The following DYNC1H1 variants were observed in gnomAD, a reference collection of about 807,000 sequenced individuals.
The protein encoded by DYNC1H1 is cytoplasmic dynein 1 heavy chain 1.
In DYNC1H1, 51 loss-of-function variants were observed where a neutral mutation model predicts 527.1. That is an observed-to-expected ratio of 0.10 (90% CI 0.08 to 0.12). The LOEUF is 0.12. DYNC1H1 is among the 10% of genes least tolerant of loss of function. The pLI, the probability that DYNC1H1 is intolerant of heterozygous loss-of-function variation, is 1.00. For missense variants in DYNC1H1, 2,771 were observed against 5,971.8 expected (o/e 0.46, Z 17.66); for synonymous variants, 2,189 against 2,278.8 (o/e 0.96, Z 1.12).
Position 102,039,817 on chromosome 14 carries a change from T to C in DYNC1H1, c.11690+85T>C, listed in dbSNP as rs2048623394. The C allele has an allele frequency of 1.4e-6, 2 of 1,412,572 alleles. No individual in the cohort carries two copies. Among genetic ancestry groups the C allele is most frequent in the Non-Finnish European group, 2.0e-6 (2 of 1,020,180 alleles). 87.5% of individuals were successfully genotyped at this position (1,412,572 alleles called of 1,614,324 possible). A position where few individuals can be genotyped will look rare whatever the true frequency, so the allele number is the denominator to read the frequency against. Reference sequence around the variant, plus strand: ...TGATCAGATACATGCTTTTATTATTTCTTTTATTTTCTCTTTTATTTTCTT... The same window carrying C: ...TGATCAGATACATGCTTTTATTATTCCTTTTATTTTCTCTTTTATTTTCTT... On this transcript the variant is annotated intron_variant, in intron 62 of 77. Transcript: ENST00000360184. The surrounding 1 kb of genome is among the most constrained non-coding windows in gnomAD (Gnocchi z 7.0).
In DYNC1H1 at chr14:102,001,111, C is replaced by T. The variant is rs781293795; in HGVS notation, c.4186-34C>T. On this transcript the variant is annotated intron_variant, in intron 19 of 77. Transcript: ENST00000360184. This position sits in a 1 kb window ranked among gnomAD's most constrained non-coding sequence, Gnocchi z 5.0. ...GTGATGAGTGTCCATTAGAAACGCA[C>T]CTGCACAGATCACTTTGTTTACTTT... The T allele has an allele frequency of 6.2e-7, 1 of 1,614,092 alleles. No individual in the cohort carries two copies. Among genetic ancestry groups the T allele is most frequent in the Admixed American group, 1.7e-5 (1 of 60,014 alleles).
chr14:102,031,972 T>A (rs978698986), intron 51 of DYNC1H1, among the ~76,000 whole-genome samples: 10 of 152,182 alleles, frequency 6.6e-5, no homozygotes, highest in Non-Finnish European at 1.3e-4. Flanking sequence ...AGTAAATATA[T>A]TCTTAATCTT....
chr14:101,971,137 G>T (rs150293873), intron 1 of DYNC1H1, among the ~76,000 whole-genome samples: 3 of 117,416 alleles, frequency 2.6e-5, no homozygotes, highest in Non-Finnish European at 4.9e-5. Flanking sequence ...TTGCTCTGTC[G>T]CCCAGGCTGG....
In DYNC1H1 at chr14:101,968,439, G is replaced by A. The variant is rs1049726299; in HGVS notation, c.256+3492G>A. On this transcript the variant is annotated intron_variant, in intron 1 of 77. Transcript: ENST00000360184. The stretch of plus-strand genomic sequence containing the variant: ...AATAGAGAGGAGGTCTCACCATGTT[G>A]CCCAGGCTGGTCTGGGACTTCAGGG... 5.3e-5 allele frequency among the ~76,000 whole-genome samples: 8 copies of A among 152,160 alleles called. No homozygotes were observed. The East Asian group carries it at 1.4e-3, about 26-fold the overall frequency.
At position 101,979,932 on chromosome 14, in the gene DYNC1H1, G is replaced by A. The variant is rs2047843926; in HGVS notation, c.732G>A (p.Gln244=). ...TTGAAGACCCAACATTTCTTAATCA[G>A]TTACAATCTGGAGTTAACCGCTGGA... ...DKVEDPTFLN[Q]LQSGVNRWIR... Residue 244 remains glutamine (Q), a synonymous_variant, in exon 4 of 78, where the codon CAG becomes CAA. Coordinates refer to ENST00000360184, the MANE Select transcript of DYNC1H1 (RefSeq NM_001376.5). The surrounding 1 kb of genome is among the most constrained non-coding windows in gnomAD (Gnocchi z 4.6). The A allele has an allele frequency of 1.2e-6, 2 of 1,614,104 alleles. No individual in the cohort carries two copies. The highest frequency in any genetic ancestry group is 1.6e-4 in the Middle Eastern group (1 of 6,084).
intron 52 of DYNC1H1, 52 bp downstream of exon 52, chr14:102,032,519 AG>A (rs1336613840): frequency 6.2e-7 from 1 of 1,611,248 alleles, no homozygotes; most frequent in Non-Finnish European, 8.5e-7. Context: ...TCAGTTGTTC[AG>A]GCCAGGCACG....
Position 102,017,058 on chromosome 14 carries a change from A to G in DYNC1H1, c.7849-30A>G, listed in dbSNP as rs2048331785. On this transcript the variant is annotated intron_variant, in intron 38 of 77. Coordinates refer to ENST00000360184, the MANE Select transcript of DYNC1H1 (RefSeq NM_001376.5). The surrounding 1 kb of genome is among the most constrained non-coding windows in gnomAD (Gnocchi z 4.6). ...TGGTGCTGAGCATGGGGTTGGTCTT[A>G]CAGTGTGGTTTTGTGTCTTCCCTCC... 1.2e-6 allele frequency: 2 copies of G among 1,614,128 alleles called. No homozygotes were observed. The highest frequency in any genetic ancestry group is 1.7e-6 in the Non-Finnish European group (2 of 1,180,052).
chr14:102,026,723 G>A lies in DYNC1H1; in HGVS notation c.8771+16G>A, dbSNP rs2048455445. On this transcript the variant is annotated intron_variant, in intron 44 of 77. Transcript: ENST00000360184. ...GGATTGACAGGTGGGCTTTTTTGTTGTTACAGCCCCACCTCTCGCCTAAGC... is the reference window on the plus strand; with the variant it reads ...GGATTGACAGGTGGGCTTTTTTGTTATTACAGCCCCACCTCTCGCCTAAGC... 3 of 1,612,932 alleles carry A rather than the reference G, an allele frequency of 1.9e-6. No homozygotes were observed. Among genetic ancestry groups the A allele is most frequent in the Non-Finnish European group, 2.5e-6 (3 of 1,179,612 alleles).
chr14:101,973,498 G>GT (rs1225699185), intron 1 of DYNC1H1, among the ~76,000 whole-genome samples: 3 of 152,016 alleles, frequency 2.0e-5, no homozygotes, highest in Non-Finnish European at 4.4e-5. Flanking sequence ...TGTGAATTTT[G>GT]TATTTGTCTC....
chr14:102,022,999 A>C, intron 43 of DYNC1H1, 119 bp downstream of exon 43: 28 of 1,490,230 alleles, frequency 1.9e-5, no homozygotes, highest in Non-Finnish European at 2.5e-5. Context: ...ATGGTGTCTC[A>C]CACCTGTAAT....
chr14:102,044,227 C>T lies in DYNC1H1; in HGVS notation c.12685-47C>T, dbSNP rs776772994. On this transcript the variant is annotated intron_variant, in intron 70 of 77. Transcript: ENST00000360184. This position sits in a 1 kb window ranked among gnomAD's most constrained non-coding sequence, Gnocchi z 7.1. ...TGCCCCTCGAAAGGAAGCCCCGGGCCTGCCCGCCTCTGACCACACACACGA... is the reference window on the plus strand; with the variant it reads ...TGCCCCTCGAAAGGAAGCCCCGGGCTTGCCCGCCTCTGACCACACACACGA... 1.2e-6 allele frequency: 2 copies of T among 1,609,396 alleles called. No homozygotes were observed. Among genetic ancestry groups the T allele is most frequent in the South Asian group, 1.1e-5 (1 of 90,670 alleles).
intron 50 of DYNC1H1, 74 bp from the exon 51 acceptor site, chr14:102,030,088 A>G (rs961829038): frequency 4.5e-6 from 7 of 1,570,606 alleles, no homozygotes; most frequent in Non-Finnish European, 6.1e-6. Flanking sequence ...TGGCAGAGTG[A>G]AGAATGTTGT....
chr14:101,968,475 A>G (rs551003185), intron 1 of DYNC1H1, among the ~76,000 whole-genome samples: 1 of 146,100 alleles, frequency 6.8e-6, no homozygotes, highest in African/African-American at 2.5e-5. Context: ...CTCAAGCAAT[A>G]CTTCCACCTC....
At chr14:102,048,252 A>G in intron 73 of DYNC1H1, 1 of 713,494 alleles carries the variant, frequency 1.4e-6, no homozygotes, top group Non-Finnish European at 2.3e-6. Context: ...AGATAGGCAG[A>G]CAGCGCCACA....
Position 102,011,960 on chromosome 14 carries a change from G to A in DYNC1H1, c.6704G>A (p.Arg2235His), listed in dbSNP as rs765956720. 6.2e-6 allele frequency: 10 copies of A among 1,614,070 alleles called. No homozygotes were observed. The highest frequency in any genetic ancestry group is 5.5e-5 in the South Asian group (5 of 91,078). ...GGAAGTGGGAAGAGCATGGCCTGGC[G>A]TGTCCTGCTGAAGGCATTGGAGAGA... The part of the protein sequence containing the change: ...PSGSGKSMAW[R>H]VLLKALERLE... Residue 2235 changes from arginine (R) to histidine (H), a missense_variant, in exon 33 of 78, where the codon CGT becomes CAT. Around this residue, in one of 32 missense-constraint regions of DYNC1H1, gnomAD observed 56 missense variants for 183.8 expected, o/e 0.30. Transcript: ENST00000360184. The surrounding 1 kb of genome is among the most constrained non-coding windows in gnomAD (Gnocchi z 5.3).
intron 1 of DYNC1H1, among the ~76,000 whole-genome samples, chr14:101,971,464 C>T (rs1381028514): frequency 6.6e-6 from 1 of 152,092 alleles, no homozygotes; most frequent in Non-Finnish European, 1.5e-5. Flanking sequence ...CAGTGGCTCA[C>T]GCCTGTAATC....
At chr14:102,028,384 G>T in intron 48 of DYNC1H1, 2 of 436,822 alleles carry the variant, frequency 4.6e-6, no homozygotes, top group Non-Finnish European at 8.5e-6. Context: ...GCATGGTGGT[G>T]GGCACCTATA....
rs891532431 is a variant in DYNC1H1 at position 102,000,944 on chromosome 14, C to T, written c.4075-10C>T. 1 of 1,610,664 alleles carries T rather than the reference C, an allele frequency of 6.2e-7. No homozygotes were observed. Among genetic ancestry groups the T allele is most frequent in the Non-Finnish European group, 8.5e-7 (1 of 1,176,916 alleles). Reference sequence around the variant, plus strand: ...GCAAGCTAAATAGCATCTTATGTTTCTCTCGACAGCTTCGACAAAATTTGG... The same window carrying T: ...GCAAGCTAAATAGCATCTTATGTTTTTCTCGACAGCTTCGACAAAATTTGG... On this transcript the variant is annotated splice_polypyrimidine_tract_variant and intron_variant, in intron 18 of 77. Transcript: ENST00000360184.
chr14:101,971,492 T>C (rs1434630067), intron 1 of DYNC1H1, among the ~76,000 whole-genome samples: 1 of 152,162 alleles, frequency 6.6e-6, no homozygotes, highest in Non-Finnish European at 1.5e-5. Context: ...TTTGGGAGGC[T>C]GAGGCAGGCA....
Sources: gnomAD v4.1 joint callset for allele counts (sites outside exome capture counted in the v4.1 genomes callset) on GRCh38, gnomAD v4.1.1 for gene constraint, gnomAD v4.1.1 regional missense constraint, Gnocchi (gnomAD v3.1) non-coding constraint, MANE v1.5 for transcripts, NCBI Gene and HGNC (gene_info 2026-07-23, HGNC 2026-07-21) for gene names.